ADAMTS6: variants seen among roughly 807,000 people sequenced by gnomAD.
ADAMTS6 encodes the protein A disintegrin and metalloproteinase with thrombospondin motifs 6.
ADAMTS6 carries 23 observed loss-of-function variants against 144.3 expected under a neutral mutation model. That is an observed-to-expected ratio of 0.16 (90% CI 0.11 to 0.23). The LOEUF (loss-of-function observed/expected upper bound fraction) is 0.23, where lower values mean the gene tolerates loss of function less well. Among genes scored for constraint, ADAMTS6 ranks in the 10% least tolerant of loss-of-function variants. The probability of loss-of-function intolerance (pLI) is 1.00; values close to 1 mark genes in which losing one functional copy is unlikely to be tolerated. For missense variants in ADAMTS6, 999 were observed against 1,379.6 expected (o/e 0.72, Z 4.37); for synonymous variants, 444 against 457.5 (o/e 0.97, Z 0.38).
At chr5:65,174,923 C>T (rs1753876707) in intron 22 of ADAMTS6, among the ~76,000 whole-genome samples, 2 of 152,096 alleles carry the variant, frequency 1.3e-5, no homozygotes, top group Admixed American at 6.5e-5. Context: ...TATGGTGTTA[C>T]TATGACACCA....
At chr5:65,206,556 C>T (rs374456960) in intron 20 of ADAMTS6, among the ~76,000 whole-genome samples, 5 of 151,778 alleles carry the variant, frequency 3.3e-5, no homozygotes, top group Non-Finnish European at 5.9e-5. Flanking sequence ...AAAAATCAGC[C>T]GGGCATGGTG....
chr5:65,259,763 ATGTT>A (rs1234906075), intron 14 of ADAMTS6, among the ~76,000 whole-genome samples: 4 of 152,340 alleles, frequency 2.6e-5, no homozygotes, highest in Admixed American at 6.5e-5. Context: ...AGATAGGAGA[ATGTT>A]TGTATGTTTA....
chr5:65,224,862 G>A (rs569452764), intron 17 of ADAMTS6, 62 bp downstream of exon 17: 20 of 1,498,610 alleles, frequency 1.3e-5, no homozygotes, highest in East Asian at 4.8e-5. Context: ...GAGGCGAAGC[G>A]AGGGTTTTGG....
At chr5:65,172,764 C>A in intron 23 of ADAMTS6, 68 bp downstream of exon 23, 1 of 1,548,588 alleles carries the variant, frequency 6.5e-7, no homozygotes, top group South Asian at 1.2e-5. Flanking sequence ...ACAATGATCA[C>A]ACAAGGAACC....
intron 7 of ADAMTS6, among the ~76,000 whole-genome samples, chr5:65,444,028 A>G (rs1026856911): frequency 2.0e-5 from 3 of 152,222 alleles, no homozygotes; most frequent in African/African-American, 7.2e-5. Flanking sequence ...TTCATTATTA[A>G]AAGGAAGAAG....
chr5:65,249,012 C>T (rs1017429770), intron 14 of ADAMTS6, among the ~76,000 whole-genome samples: 1 of 149,988 alleles, frequency 6.7e-6, no homozygotes, highest in African/African-American at 2.4e-5. Flanking sequence ...TGTTTTTTGC[C>T]GTGTGTGTGT....
In ADAMTS6 at chr5:65,317,688, T is replaced by C. The variant is rs141929173; in HGVS notation, c.1223+11690A>G. 9.8e-4 allele frequency among the ~76,000 whole-genome samples: 149 copies of C among 152,196 alleles called. 1 individual carries two copies. The East Asian group carries it at 0.025, about 26-fold the overall frequency. On this transcript the variant is annotated intron_variant, in intron 9 of 24. Transcript: ENST00000381055. ...ACAAAGGATTAATAACCAGAATATA[T>C]AAAGAGCTCAAACAACTCTACAGGA...
intron 11 of ADAMTS6, among the ~76,000 whole-genome samples, chr5:65,273,833 G>A (rs769727677): frequency 6.6e-6 from 1 of 152,072 alleles, no homozygotes; most frequent in Non-Finnish European, 1.5e-5. Flanking sequence ...ATAAAGAGAT[G>A]CCAGGAAAAT....
intron 10 of ADAMTS6, 103 bp from the exon 11 acceptor site, chr5:65,291,573 G>GA (rs1742308820): frequency 3.3e-6 from 4 of 1,208,856 alleles, no homozygotes; most frequent in Non-Finnish European, 4.4e-6. Flanking sequence ...CTTGACGCAT[G>GA]AAAAACAATA....
At chr5:65,244,357 A>G (rs562062219) in intron 14 of ADAMTS6, among the ~76,000 whole-genome samples, 39 of 152,274 alleles carry the variant, frequency 2.6e-4, no homozygotes, top group African/African-American at 8.9e-4. Context: ...AAACTAAGAC[A>G]TCATGAAGGC....
intron 7 of ADAMTS6, among the ~76,000 whole-genome samples, chr5:65,392,254 T>C (rs572740926): frequency 6.6e-6 from 1 of 152,216 alleles, no homozygotes; most frequent in East Asian, 1.9e-4. Context: ...AATAGTAGAC[T>C]TTTTTTCCTT....
rs950875709 is a variant in ADAMTS6, at chr5:65,215,388, C to T, written c.2372G>A (p.Arg791Lys). 3.1e-6 allele frequency: 5 copies of T among 1,613,904 alleles called. No homozygotes were observed. The African/African-American group carries it at 6.7e-5, about 22-fold the overall frequency. ...DVAGTAFHYK[R>K]PTDEPESLEA... The stretch of plus-strand genomic sequence containing the variant: ...CAAGGATTCTGGTTCATCAGTTGGT[C>T]TCTTGTAATGAAAAGCTGTCCCAGC... Residue 791 changes from arginine to lysine, a missense_variant, in exon 19 of 25, where the codon AGA (arginine) becomes AAA (lysine). Coordinates refer to ENST00000381055, the MANE Select transcript of ADAMTS6 (RefSeq NM_197941.4).
chr5:65,276,185 T>C (rs1448722808), intron 11 of ADAMTS6, among the ~76,000 whole-genome samples: 2 of 152,206 alleles, frequency 1.3e-5, no homozygotes, highest in East Asian at 3.8e-4. Context: ...AGATTCACAA[T>C]AGAGCCCTCT....
In ADAMTS6 at chr5:65,179,339, C is replaced by T. The variant is rs529266870; in HGVS notation, c.2911-6331G>A. Among the ~76,000 whole-genome samples the T allele has an allele frequency of 3.7e-4, 57 of 152,234 alleles. 1 individual carries two copies. Among genetic ancestry groups the T allele is most frequent in the African/African-American group, 1.3e-3 (56 of 41,536 alleles). On this transcript the variant is annotated intron_variant, in intron 22 of 24. Transcript: ENST00000381055. ...GTATGTAGCCCAGGAAATGACCAAC[C>T]TGATGTGTGTTATGACCCATCTGAG...
chr5:65,295,808 A>C (rs150242959), intron 10 of ADAMTS6, among the ~76,000 whole-genome samples: 56 of 152,218 alleles, frequency 3.7e-4, no homozygotes, highest in African/African-American at 1.3e-3. Context: ...ACAGTAAATC[A>C]AAGTATATTT....
rs1754230529 is a variant in ADAMTS6, at chr5:65,179,901, ATT to A, written c.2911-6895_2911-6894del. Reference sequence around the variant, plus strand: ...ATTATAAGCTCCTTAAAATTACTCCATTTGTTTCATCTTTGCATGCTTGTGTG... The same window carrying A: ...ATTATAAGCTCCTTAAAATTACTCCATGTTTCATCTTTGCATGCTTGTGTG... On this transcript the variant is annotated intron_variant, in intron 22 of 24. Transcript: ENST00000381055. Among the ~76,000 whole-genome samples the A allele has an allele frequency of 2.0e-5, 3 of 151,996 alleles. No individual in the cohort carries two copies. In the South Asian group the frequency reaches 6.2e-4, roughly 32 times the overall value.
At chr5:65,177,280 A>G (rs1754038987) in intron 22 of ADAMTS6, among the ~76,000 whole-genome samples, 2 of 152,186 alleles carry the variant, frequency 1.3e-5, no homozygotes, top group African/African-American at 4.8e-5. Flanking sequence ...TAACTCTTTC[A>G]TCTATTCTAT....
intron 24 of ADAMTS6, among the ~76,000 whole-genome samples, chr5:65,161,493 T>G (rs1752777053): frequency 6.6e-6 from 1 of 152,256 alleles, no homozygotes; most frequent in African/African-American, 2.4e-5. Flanking sequence ...GATTACTTAG[T>G]CTATGAAGCC....
At chr5:65,259,100 T>C (rs1440871828) in intron 14 of ADAMTS6, among the ~76,000 whole-genome samples, 1 of 152,064 alleles carries the variant, frequency 6.6e-6, no homozygotes, top group East Asian at 1.9e-4. Flanking sequence ...CTCACACCTG[T>C]AATCCCAGCA....
Sources: gnomAD v4.1 joint callset for allele counts (sites outside exome capture counted in the v4.1 genomes callset) on GRCh38, gnomAD v4.1.1 for gene constraint, MANE v1.5 for transcripts, NCBI Gene and HGNC (gene_info 2026-07-23, HGNC 2026-07-21) for gene names.